Variants in NISCH observed in about 807,000 individuals in gnomAD.
NISCH encodes the protein nischarin.
NISCH carries 55 observed loss-of-function variants against 138.4 expected under a neutral mutation model. The observed-to-expected ratio is 0.40, with a 90% CI of 0.32 to 0.50. The LOEUF is 0.50. Ranked by LOEUF, NISCH falls within the 20% of genes least tolerant of loss-of-function variation. The probability of loss-of-function intolerance (pLI) is 0.71; values close to 1 mark genes in which losing one functional copy is unlikely to be tolerated. For synonymous variants in NISCH, 860 were observed against 861.5 expected (o/e 1.00, Z 0.03); for missense variants, 1,643 against 2,005.5 (o/e 0.82, Z 3.45).
At position 52,492,270 on chromosome 3, in the gene NISCH, G is replaced by A; in HGVS notation, c.4303G>A (p.Asp1435Asn). The change falls in exon 21 of 21, where the codon GAT (aspartate) becomes AAT (asparagine). Residue 1435 changes from aspartate to asparagine, a missense_variant. Asp to Asn is a conservative substitution (Grantham distance 23). Transcript: ENST00000345716. ...TYPQALTLVF[D>N]DVQGHDLMGS... ...CCCGCAGGCCCTCACCCTCGTCTTC[G>A]ATGACGTGCAAGGTCATGACCTCAT... 1.2e-6 allele frequency: 2 copies of A among 1,613,274 alleles called. No individual in the cohort carries two copies. Among genetic ancestry groups the A allele is most frequent in the Middle Eastern group, 1.6e-4 (1 of 6,062 alleles).
intron 17 of NISCH, 103 bp from the exon 18 acceptor site, chr3:52,489,972 C>T: frequency 6.7e-7 from 1 of 1,489,190 alleles, no homozygotes; most frequent in Non-Finnish European, 9.2e-7. Context: ...CATTGGTGAG[C>T]CAAGAGGGGC....
At chr3:52,484,770 T>C (rs4687619) in intron 14 of NISCH, 133 bp downstream of exon 14, 891,808 of 933,584 alleles carry the variant, frequency 0.96, 426,173 homozygotes, top group African/African-American at 0.99. Context: ...CTCTGCTTTG[T>C]GCCACGGTCT....
chr3:52,457,979 C>A, intron 2 of NISCH, 53 bp downstream of exon 2: 1 of 1,375,444 alleles, frequency 7.3e-7, no homozygotes, highest in Non-Finnish European at 1.0e-6. Context: ...ACCCGTAGGC[C>A]AACTTTCCAT....
rs1445912897 is a variant in NISCH at position 52,487,605 on chromosome 3, A to C, written c.2113A>C (p.Ile705Leu). ...GADEDFLLEH[I>L]RILKVLWCFL... is the part of the protein sequence containing the mutation. The stretch of plus-strand genomic sequence containing the variant: ...GGACGAGGACTTCCTGCTGGAGCAC[A>C]TCCGCATCCTCAAGGTGCTGTGGTG... The change falls in exon 16 of 21, where the codon ATC (isoleucine) becomes CTC (leucine). Residue 705 changes from isoleucine (I) to leucine (L), a missense_variant. Coordinates refer to ENST00000345716, the MANE Select transcript of NISCH (RefSeq NM_007184.4). This position sits in a 1 kb window ranked among gnomAD's most constrained non-coding sequence, Gnocchi z 9.1. The C allele has an allele frequency of 1.2e-6, 2 of 1,613,902 alleles. No homozygotes were observed. The highest frequency in any genetic ancestry group is 1.7e-6 in the Non-Finnish European group (2 of 1,179,998).
intron 7 of NISCH, among the ~76,000 whole-genome samples, chr3:52,474,175 A>G (rs565848266): frequency 6.6e-5 from 10 of 152,300 alleles, no homozygotes; most frequent in African/African-American, 2.4e-4. Context: ...GTACAGTGGT[A>G]TGATCTCAGC....
In NISCH at chr3:52,490,205, G is replaced by A. The variant is rs1255470141; in HGVS notation, c.3587G>A (p.Arg1196His). 3.7e-6 allele frequency: 6 copies of A among 1,613,094 alleles called. No homozygotes were observed. Among genetic ancestry groups the A allele is most frequent in the Non-Finnish European group, 5.1e-6 (6 of 1,180,012 alleles). Residue 1196 changes from arginine to histidine, a missense_variant, in exon 18 of 21, where the codon CGC becomes CAC. By Grantham distance (29) the Arg-to-His change is conservative. Coordinates refer to ENST00000345716, the MANE Select transcript of NISCH (RefSeq NM_007184.4). ...TACTTTGTGCTCCACGACGGCCTCC[G>A]CCGCTACTTCTCAGAGCCACTGCAG... ...AVYFVLHDGLRRYFSEPLQDF... is the reference protein window; with the variant it reads ...AVYFVLHDGLHRYFSEPLQDF...
At chr3:52,489,966 G>T (rs1707516757) in intron 17 of NISCH, 109 bp from the exon 18 acceptor site, 2 of 1,447,012 alleles carry the variant, frequency 1.4e-6, no homozygotes, top group Non-Finnish European at 1.9e-6. Context: ...CGGATTCATT[G>T]GTGAGCCAAG....
chr3:52,457,640 G>C (rs889046036), intron 1 of NISCH, among the ~76,000 whole-genome samples: 7 of 152,230 alleles, frequency 4.6e-5, no homozygotes, highest in African/African-American at 1.7e-4. Flanking sequence ...AAGCTGAGAG[G>C]GGCCCTGCTG....
At position 52,492,593 on chromosome 3, in the gene NISCH, C is replaced by T. The variant is rs2153232003; in HGVS notation, c.*111C>T. The stretch of plus-strand genomic sequence containing the variant: ...TCCTCCCTTTGGTACCTTAATTTGA[C>T]TGTCCTCGCAGAGAATGTGAACATG... On this transcript the variant is annotated 3_prime_UTR_variant, in exon 21 of 21. Transcript: ENST00000345716. 7.8e-6 allele frequency: 10 copies of T among 1,280,838 alleles called. No homozygotes were observed. In the South Asian group the frequency reaches 1.2e-4, roughly 16 times the overall value. The allele number at this position is 1,280,838 out of a possible 1,614,324, so 79.3% of individuals were successfully genotyped here.
intron 1 of NISCH, among the ~76,000 whole-genome samples, chr3:52,457,447 T>C (rs570510205): frequency 6.6e-6 from 1 of 152,378 alleles, no homozygotes; most frequent in South Asian, 2.1e-4. Context: ...CTGGCCCTGC[T>C]CTGCCTCCCT....
At position 52,472,204 on chromosome 3, in the gene NISCH, C is replaced by G. The variant is rs181455152; in HGVS notation, c.574-99C>G. 1.9e-4 allele frequency: 229 copies of G among 1,201,598 alleles called. 2 individuals carry two copies. In the East Asian group the frequency reaches 5.3e-3, roughly 28 times the overall value. The allele number at this position is 1,201,598 out of a possible 1,614,324, so 74.4% of individuals were successfully genotyped here. ...TGGCCTGAGCCTGCTTTGTTGAAGA[C>G]AGAAGTGGTCAAAGTTGTCTTCAAC... On this transcript the variant is annotated intron_variant, in intron 5 of 20. Transcript: ENST00000345716.
Position 52,491,416 on chromosome 3 carries a change from C to A in NISCH, c.3807C>A (p.Leu1269=), listed in dbSNP as rs1352598691. The part of the protein sequence containing the change: ...TRDSYLTHCF[L]QHLMVVLSSL... ...ACAGCTACCTGACGCACTGCTTCCT[C>A]CAGCACCTCATGGTCGTGCTGTCCT... Residue 1269 remains leucine (L), a synonymous_variant, in exon 20 of 21, where the codon CTC becomes CTA. Coordinates refer to ENST00000345716, the MANE Select transcript of NISCH (RefSeq NM_007184.4). 1.2e-6 allele frequency: 2 copies of A among 1,613,418 alleles called. No homozygotes were observed. The highest frequency in any genetic ancestry group is 1.7e-6 in the Non-Finnish European group (2 of 1,179,976).
chr3:52,478,408 TAAGAG>T, intron 10 of NISCH, 36 bp from the exon 11 acceptor site: 3 of 1,613,342 alleles, frequency 1.9e-6, no homozygotes, highest in South Asian at 1.1e-5. Context: ...GCTGAAGTGT[TAAGAG>T]AAGGGACCAA....
chr3:52,491,573 G>A (rs1707566694), intron 20 of NISCH, 60 bp downstream of exon 20: 5 of 1,537,842 alleles, frequency 3.3e-6, no homozygotes, highest in Admixed American at 1.9e-5. Flanking sequence ...TGGGCCCCAG[G>A]GTGGCTCTCT....
chr3:52,478,691 A>G, intron 11 of NISCH, 114 bp downstream of exon 11: 1 of 1,013,724 alleles, frequency 9.9e-7, no homozygotes, highest in Non-Finnish European at 1.5e-6. Context: ...CTTCAGAAAG[A>G]GGTCCTGTCC....
At chr3:52,484,462 T>TACCCCCCCC in intron 13 of NISCH, 51 bp from the exon 14 acceptor site, 7 of 788,670 alleles carry the variant, frequency 8.9e-6, no homozygotes, top group Non-Finnish European at 1.3e-5. Context: ...ACAGCCGCTC[T>TACCCCCCCC]CCCCGCCCCA....
At position 52,484,556 on chromosome 3, in the gene NISCH, G is replaced by A. The variant is rs146279257; in HGVS notation, c.1572G>A (p.Ser524=). Residue 524 remains serine (S), a synonymous_variant, in exon 14 of 21, where the codon TCG becomes TCA. Transcript: ENST00000345716. ...VQEEALASSL[S]STDSLTPEHQ... ...AGGAGGCCCTGGCCAGCAGCCTCTC[G>A]TCCACTGACAGTCTGACTCCCGAGC... 2.0e-4 allele frequency: 323 copies of A among 1,590,594 alleles called. No individual in the cohort carries two copies. Among genetic ancestry groups the A allele is most frequent in the Non-Finnish European group, 2.5e-4 (287 of 1,166,834 alleles).
rs377389015 is a variant in NISCH, at chr3:52,479,021, G to T, written c.1302+444G>T. Among the ~76,000 whole-genome samples the T allele has an allele frequency of 1.8e-4, 28 of 152,276 alleles. 1 individual carries two copies. In the South Asian group the frequency reaches 5.8e-3, roughly 32 times the overall value. On this transcript the variant is annotated intron_variant, in intron 11 of 20. Coordinates refer to ENST00000345716, the MANE Select transcript of NISCH (RefSeq NM_007184.4). The stretch of plus-strand genomic sequence containing the variant: ...CCTGGAGCAGTCCCCGTGATGCTCT[G>T]ATTGGTCCTTGGACCTTCTGTTCTC...
At chr3:52,477,504 C>G (rs979332648) in intron 8 of NISCH, 70 bp from the exon 9 acceptor site, 3 of 1,336,790 alleles carry the variant, frequency 2.2e-6, no homozygotes, top group African/African-American at 2.9e-5. Context: ...GGTGCCCGTC[C>G]ACTGTGTCGG....
Sources: gnomAD v4.1 joint callset for allele counts (sites outside exome capture counted in the v4.1 genomes callset) on GRCh38, gnomAD v4.1.1 for gene constraint, Gnocchi (gnomAD v3.1) non-coding constraint, MANE v1.5 for transcripts, NCBI Gene and HGNC (gene_info 2026-07-23, HGNC 2026-07-21) for gene names.